The following PPP2R2C variants were observed in gnomAD, a reference collection of about 807,000 sequenced individuals.
The protein encoded by PPP2R2C is protein phosphatase 2, regulatory subunit B, gamma.
A neutral mutation model predicts 45.3 loss-of-function variants in PPP2R2C; 10 were observed. The ratio of observed to expected loss-of-function variants is 0.22; its 90% CI spans 0.14 to 0.37. The LOEUF is 0.37. Among genes scored for constraint, PPP2R2C ranks in the 10% least tolerant of loss-of-function variants. The pLI, the probability that PPP2R2C is intolerant of heterozygous loss-of-function variation, is 1.00. For missense variants in PPP2R2C, 308 were observed against 619.7 expected (o/e 0.50, Z 5.34); for synonymous variants, 257 against 245.4 (o/e 1.05, Z -0.44).
At chr4:6,424,790 T>C (rs1719194233) in intron 1 of PPP2R2C, among the ~76,000 whole-genome samples, 1 of 152,114 alleles carries the variant, frequency 6.6e-6, no homozygotes, top group Non-Finnish European at 1.5e-5. Context: ...TCAGCCCCCA[T>C]GAGACCTGGG....
chr4:6,322,253 G>A lies in PPP2R2C; in HGVS notation c.*1049C>T, dbSNP rs1049729103. ...GGACGGGTTCCTGACACCACTGCACGGCACCTGCCATGGGTGACCTGTGCA... is the reference window on the plus strand; with the variant it reads ...GGACGGGTTCCTGACACCACTGCACAGCACCTGCCATGGGTGACCTGTGCA... On this transcript the variant is annotated 3_prime_UTR_variant, in exon 9 of 9. Transcript: ENST00000382599. The surrounding 1 kb of genome is among the most constrained non-coding windows in gnomAD (Gnocchi z 7.8). 3.3e-5 allele frequency: 5 copies of A among 152,030 alleles called. No individual in the cohort carries two copies. Among genetic ancestry groups the A allele is most frequent in the African/African-American group, 7.2e-5 (3 of 41,396 alleles). The allele number at this position is 152,030 out of a possible 1,614,324, so 9.4% of individuals were successfully genotyped here. A position where few individuals can be genotyped will look rare whatever the true frequency, so the allele number is the denominator to read the frequency against.
intron 5 of PPP2R2C, among the ~76,000 whole-genome samples, chr4:6,369,701 G>C (rs1167101563): frequency 6.6e-6 from 1 of 152,100 alleles, no homozygotes; most frequent in Non-Finnish European, 1.5e-5. Context: ...CAGCCTCCTC[G>C]AGCCCAGGGA....
intron 1 of PPP2R2C, among the ~76,000 whole-genome samples, chr4:6,423,373 T>G (rs570878808): frequency 2.2e-4 from 34 of 152,220 alleles, no homozygotes; most frequent in Non-Finnish European, 3.7e-4. Context: ...CCAGCTAATT[T>G]TTGTGTTTTT....
At chr4:6,355,205 C>CTAAA (rs1560473642) in intron 5 of PPP2R2C, among the ~76,000 whole-genome samples, 1 of 93,990 alleles carries the variant, frequency 1.1e-5, no homozygotes, top group Non-Finnish European at 2.8e-5. Context: ...TAGTTGCTGA[C>CTAAA]TGAATGAATG....
At chr4:6,334,940 T>A (rs1732727304) in intron 6 of PPP2R2C, among the ~76,000 whole-genome samples, 2 of 152,086 alleles carry the variant, frequency 1.3e-5, no homozygotes, top group South Asian at 4.2e-4. Context: ...CCTTATCCCC[T>A]CATGGGAAAT....
At chr4:6,438,178 C>T (rs1208181883) in intron 1 of PPP2R2C, among the ~76,000 whole-genome samples, 3 of 152,230 alleles carry the variant, frequency 2.0e-5, no homozygotes, top group East Asian at 1.9e-4. Context: ...CACTCACCAT[C>T]GTACAGTTAC....
chr4:6,546,745 T>C (rs970442860), intron 1 of PPP2R2C, among the ~76,000 whole-genome samples: 1 of 152,234 alleles, frequency 6.6e-6, no homozygotes, highest in South Asian at 2.1e-4. Flanking sequence ...GGGCCCATCA[T>C]GTGCTCCACC....
chr4:6,416,387 C>T (rs1718587104), intron 1 of PPP2R2C, among the ~76,000 whole-genome samples: 2 of 152,210 alleles, frequency 1.3e-5, no homozygotes, highest in African/African-American at 2.4e-5. Context: ...GGCCTCTTTC[C>T]ACCATCCCGT....
intron 1 of PPP2R2C, among the ~76,000 whole-genome samples, chr4:6,392,368 T>C (rs1716705099): frequency 6.6e-6 from 1 of 151,196 alleles, no homozygotes; most frequent in East Asian, 1.9e-4. Flanking sequence ...CAAATTTTCA[T>C]GTCAATAAAT....
At chr4:6,511,570 G>C (rs983835314) in intron 2 of PPP2R2C, among the ~76,000 whole-genome samples, 5 of 58,056 alleles carry the variant, frequency 8.6e-5, no homozygotes, top group Non-Finnish European at 1.1e-4. Context: ...GGTGGTGGTG[G>C]TGATGGCGGT....
intron 1 of PPP2R2C, among the ~76,000 whole-genome samples, chr4:6,556,045 G>C (rs1725390273): frequency 6.6e-6 from 1 of 152,204 alleles, no homozygotes; most frequent in Admixed American, 6.5e-5. Context: ...AGGCAGGCTA[G>C]CGTGTCTATC....
Position 6,479,816 on chromosome 4 carries a change from TATTG to T in PPP2R2C, c.49+55451_49+55454del, listed in dbSNP as rs1347086052. Among the ~76,000 whole-genome samples the T allele has an allele frequency of 2.6e-5, 4 of 152,254 alleles. No homozygotes were observed. The South Asian group carries it at 8.3e-4, about 32-fold the overall frequency. On this transcript the variant is annotated intron_variant, in intron 2 of 9. Coordinates refer to the PPP2R2C transcript ENST00000506140. ...TTATTACAATCCCCTACCTTTTGAA[TATTG>T]ATTCAAAAGGAATCAATATTAGCAT...
chr4:6,434,626 T>C (rs938643638), intron 1 of PPP2R2C, among the ~76,000 whole-genome samples: 26 of 152,182 alleles, frequency 1.7e-4, no homozygotes, highest in Admixed American at 6.5e-5. Flanking sequence ...CCCAAAGTGC[T>C]GGGATTACAG....
intron 2 of PPP2R2C, among the ~76,000 whole-genome samples, chr4:6,512,618 T>C (rs1723696236): frequency 7.6e-6 from 1 of 131,052 alleles, no homozygotes; most frequent in Non-Finnish European, 1.7e-5. Flanking sequence ...ATTATGGTGG[T>C]AGTGGTGGTG....
intron 1 of PPP2R2C, among the ~76,000 whole-genome samples, chr4:6,445,098 A>C (rs1162810055): frequency 6.6e-6 from 1 of 152,148 alleles, no homozygotes; most frequent in Non-Finnish European, 1.5e-5. Flanking sequence ...CTGAGGCAGG[A>C]GGACCGCTTG....
intron 1 of PPP2R2C, among the ~76,000 whole-genome samples, chr4:6,433,773 AC>A (rs1354722484): frequency 6.6e-6 from 1 of 152,242 alleles, no homozygotes; most frequent in African/African-American, 2.4e-5. Flanking sequence ...CACCATTGTT[AC>A]ATCCATCTGA....
intron 1 of PPP2R2C, among the ~76,000 whole-genome samples, chr4:6,449,422 T>A (rs1248344479): frequency 6.6e-6 from 1 of 152,190 alleles, no homozygotes. Context: ...ACCCTATGAA[T>A]GCATGACTTT....
chr4:6,429,872 G>A (rs537579656), intron 1 of PPP2R2C, among the ~76,000 whole-genome samples: 1 of 152,168 alleles, frequency 6.6e-6, no homozygotes, highest in South Asian at 2.1e-4. Flanking sequence ...GGGGCCAGCT[G>A]GATGCCCACA....
At chr4:6,372,387 C>T in intron 5 of PPP2R2C, 136 bp downstream of exon 5, 2 of 891,110 alleles carry the variant, frequency 2.2e-6, no homozygotes, top group Non-Finnish European at 3.4e-6. Flanking sequence ...ATACTAGGAG[C>T]CAGAGGTGCC....
Sources: gnomAD v4.1 joint callset for allele counts (sites outside exome capture counted in the v4.1 genomes callset) on GRCh38, gnomAD v4.1.1 for gene constraint, Gnocchi (gnomAD v3.1) non-coding constraint, MANE v1.5 for transcripts, NCBI Gene and HGNC (gene_info 2026-07-23, HGNC 2026-07-21) for gene names.